The following DNAH10 variants were observed in gnomAD, a reference collection of about 807,000 sequenced individuals.
DNAH10 encodes the protein axonemal beta dynein heavy chain 10.
A neutral mutation model predicts 506.6 loss-of-function variants in DNAH10; 348 were observed. The ratio of observed to expected loss-of-function variants is 0.69; its 90% CI spans 0.63 to 0.75. DNAH10 has a LOEUF of 0.75. Ranked by LOEUF, DNAH10 falls within the 30% of genes least tolerant of loss-of-function variation. DNAH10 has a pLI of 0.00. For synonymous variants in DNAH10, 2,059 were observed against 2,198.6 expected, an observed-to-expected ratio of 0.94 and a Z score of 1.78; for missense variants, 5,179 against 5,787.1, an observed-to-expected ratio of 0.89 and a Z score of 3.41.
chr12:123,931,308 C>T, intron 73 of DNAH10, 33 bp from the exon 74 acceptor site: 1 of 1,610,020 alleles, frequency 6.2e-7, no homozygotes. Flanking sequence ...GGTGGCTGGA[C>T]AGTGCCACCT....
intron 54 of DNAH10, among the ~76,000 whole-genome samples, chr12:123,896,709 C>T (rs1594316058): frequency 1.4e-5 from 2 of 143,562 alleles, no homozygotes; most frequent in African/African-American, 2.7e-5. Flanking sequence ...AGAGTGAGAC[C>T]CTGTCTCAAG....
chr12:123,866,404 C>T lies in DNAH10; in HGVS notation c.7167+331C>T, dbSNP rs973031730. 8.6e-5 allele frequency among the ~76,000 whole-genome samples: 13 copies of T among 151,714 alleles called. No individual in the cohort carries two copies. The East Asian group carries it at 1.2e-3, about 14-fold the overall frequency. ...GACTACAGGCGCCCGCCACCACGACCGGCTAATTTTTTGTATTTTTAGTAG... is the reference window on the plus strand; with the variant it reads ...GACTACAGGCGCCCGCCACCACGACTGGCTAATTTTTTGTATTTTTAGTAG... On this transcript the variant is annotated intron_variant, in intron 41 of 78. Transcript: ENST00000673944.
At chr12:123,796,871 G>A (rs778201061) in intron 13 of DNAH10, 39 bp downstream of exon 13, 64 of 1,421,056 alleles carry the variant, frequency 4.5e-5, no homozygotes, top group Admixed American at 4.0e-4. Flanking sequence ...TTTTGTATTT[G>A]ATTTTTTTTT....
intron 36 of DNAH10, among the ~76,000 whole-genome samples, chr12:123,856,532 T>G (rs1453840215): frequency 6.6e-6 from 1 of 150,732 alleles, no homozygotes; most frequent in African/African-American, 2.4e-5. Flanking sequence ...AGATGTGATT[T>G]CACCATGTCG....
chr12:123,764,952 T>C (rs1444407782), intron 1 of DNAH10, among the ~76,000 whole-genome samples: 1 of 152,120 alleles, frequency 6.6e-6, no homozygotes, highest in Non-Finnish European at 1.5e-5. Flanking sequence ...TCACTCACTC[T>C]CTGCTTGTTA....
Position 123,780,899 on chromosome 12 carries a change from A to G in DNAH10, c.622-181A>G, listed in dbSNP as rs1217619107. On this transcript the variant is annotated intron_variant, in intron 5 of 78. Transcript: ENST00000673944. ...GTGAGGTGGAGGTTGCAGTGAGCCA[A>G]GTGCACAGCACTCCAGCCTGGTGAC... Among the ~76,000 whole-genome samples, 3 of 136,746 alleles carry G rather than the reference A, an allele frequency of 2.2e-5. No individual in the cohort carries two copies. In the East Asian group the frequency reaches 7.1e-4, roughly 32 times the overall value. 89.7% of individuals were successfully genotyped at this position (136,746 alleles called of 152,430 possible). A position where few individuals can be genotyped will look rare whatever the true frequency, so the allele number is the denominator to read the frequency against.
In DNAH10 at chr12:123,853,047, C is replaced by G. The variant is rs112478040; in HGVS notation, c.6292-159C>G. Among the ~76,000 whole-genome samples, 154 of 152,258 alleles carry G rather than the reference C, an allele frequency of 1.0e-3. 1 individual carries two copies. The highest frequency in any genetic ancestry group is 3.5e-3 in the African/African-American group (147 of 41,540). On this transcript the variant is annotated intron_variant, in intron 35 of 78. Coordinates refer to ENST00000673944, the MANE Select transcript of DNAH10 (RefSeq NM_001372106.1). The surrounding 1 kb of genome is among the most constrained non-coding windows in gnomAD (Gnocchi z 4.7). ...CATATTTAAAAATGAAGGACCCACCCTGGTATTTCTGGAAGTTAGAGATGG... is the reference window on the plus strand; with the variant it reads ...CATATTTAAAAATGAAGGACCCACCGTGGTATTTCTGGAAGTTAGAGATGG...
intron 5 of DNAH10, 25 bp from the exon 6 acceptor site, chr12:123,781,055 G>A (rs549811864): frequency 1.3e-6 from 2 of 1,562,646 alleles, no homozygotes; most frequent in African/African-American, 1.4e-5. Context: ...TTCATATGAT[G>A]TATTTCATAA....
Position 123,928,260 on chromosome 12 carries a change from C to A in DNAH10, c.12106-127C>A, listed in dbSNP as rs1955033220. 9.5e-7 allele frequency: 1 copy of A among 1,055,826 alleles called. No individual in the cohort carries two copies. Among genetic ancestry groups the A allele is most frequent in the Non-Finnish European group, 1.3e-6 (1 of 742,046 alleles). The allele number at this position is 1,055,826 out of a possible 1,614,324, so 65.4% of individuals were successfully genotyped here. A position where few individuals can be genotyped will look rare whatever the true frequency, so the allele number is the denominator to read the frequency against. ...AAGGCTCCACCTGTAGCTCCTGGATCCTCGGCTTGCTTTTGGCTTCTGCTG... is the reference window on the plus strand; with the variant it reads ...AAGGCTCCACCTGTAGCTCCTGGATACTCGGCTTGCTTTTGGCTTCTGCTG... On this transcript the variant is annotated intron_variant, in intron 69 of 78. Transcript: ENST00000673944. The surrounding 1 kb of genome is among the most constrained non-coding windows in gnomAD (Gnocchi z 4.9).
Position 123,819,177 on chromosome 12 carries a change from A to T in DNAH10, c.3927A>T (p.Arg1309Ser). ...ELTRGEIMNYRVQIEEFAKRF... is the reference protein window; with the variant it reads ...ELTRGEIMNYSVQIEEFAKRF... ...CTCGAGGCGAAATAATGAACTACAG[A>T]GTTCAGATAGAGGAGTTTGCAAAGC... The change falls in exon 23 of 79, where the codon AGA (arginine) becomes AGT (serine). Residue 1309 changes from arginine to serine, a missense_variant. This residue lies in a region of DNAH10 where 4,844 missense variants were observed against 5,430.5 expected (regional missense o/e 0.89). Coordinates refer to ENST00000673944, the MANE Select transcript of DNAH10 (RefSeq NM_001372106.1). The T allele has an allele frequency of 6.2e-7, 1 of 1,613,628 alleles. No individual in the cohort carries two copies.
At chr12:123,890,237 T>A (rs2137151124) in intron 52 of DNAH10, among the ~76,000 whole-genome samples, 1 of 152,282 alleles carries the variant, frequency 6.6e-6, no homozygotes, top group Admixed American at 6.5e-5. Flanking sequence ...AATGACGTAG[T>A]CCAGATTTAT....
intron 36 of DNAH10, among the ~76,000 whole-genome samples, chr12:123,855,182 A>G (rs1045990990): frequency 2.6e-5 from 4 of 152,156 alleles, no homozygotes; most frequent in Non-Finnish European, 5.9e-5. Context: ...TCCACTCCAC[A>G]TCCTGGAGGT....
chr12:123,814,675 CAT>C (rs1959077333), intron 21 of DNAH10, among the ~76,000 whole-genome samples: 1 of 141,740 alleles, frequency 7.1e-6, no homozygotes, highest in Non-Finnish European at 1.5e-5. Context: ...AGTGCAGTGG[CAT>C]GATCTCGGCT....
At chr12:123,803,871 A>G (rs771094059) in intron 17 of DNAH10, 46 bp downstream of exon 17, 3 of 1,546,736 alleles carry the variant, frequency 1.9e-6, no homozygotes, top group South Asian at 1.2e-5. Context: ...TAATGAGAAC[A>G]TATATTGTAT....
intron 1 of DNAH10, among the ~76,000 whole-genome samples, chr12:123,766,330 C>T (rs147896581): frequency 6.9e-4 from 100 of 145,746 alleles, no homozygotes; most frequent in Non-Finnish European, 1.3e-3. Flanking sequence ...TCATCTATAT[C>T]TGTCTATCCT....
rs545648858 is a variant in DNAH10, at chr12:123,876,604, G to A, written c.8199+1113G>A. Among the ~76,000 whole-genome samples, 16 of 152,198 alleles carry A rather than the reference G, an allele frequency of 1.1e-4. No individual in the cohort carries two copies. In the East Asian group the frequency reaches 3.1e-3, roughly 29 times the overall value. On this transcript the variant is annotated intron_variant, in intron 47 of 78. Transcript: ENST00000673944. Reference sequence around the variant, plus strand: ...GCCAAGATCATGCCACTGCACTCCAGCATGGGCAACAGAGTCTCAATCTAA... The same window carrying A: ...GCCAAGATCATGCCACTGCACTCCAACATGGGCAACAGAGTCTCAATCTAA...
At chr12:123,768,958 T>C (rs112776382) in intron 2 of DNAH10, among the ~76,000 whole-genome samples, 9,001 of 152,088 alleles carry the variant, frequency 0.059, 771 homozygotes, top group African/African-American at 0.18. Flanking sequence ...AGGCTGGTCT[T>C]GAAGTCCTGG....
chr12:123,929,377 C>T lies in DNAH10; in HGVS notation c.12409C>T (p.Pro4137Ser), dbSNP rs1346672553. The T allele has an allele frequency of 6.2e-7, 1 of 1,612,662 alleles. No homozygotes were observed. Among genetic ancestry groups the T allele is most frequent in the Non-Finnish European group, 8.5e-7 (1 of 1,179,354 alleles). The change falls in exon 71 of 79, where the codon CCG becomes TCG. Residue 4137 changes from proline to serine, a missense_variant. Pro to Ser is a moderately conservative substitution (Grantham distance 74, BLOSUM62 -1). This residue lies in a region of DNAH10 where 4,844 missense variants were observed against 5,430.5 expected (regional missense o/e 0.89). Transcript: ENST00000673944. ...LDQCPHPAFKPLVYVLAFFHA... is the reference protein window; with the variant it reads ...LDQCPHPAFKSLVYVLAFFHA... Reference sequence around the variant, plus strand: ...CCAGTGCCCGCACCCTGCCTTCAAGCCGCTGGTCTACGTGCTGGCGTTCTT... The same window carrying T: ...CCAGTGCCCGCACCCTGCCTTCAAGTCGCTGGTCTACGTGCTGGCGTTCTT...
At chr12:123,851,998 T>G (rs1194517879) in intron 35 of DNAH10, among the ~76,000 whole-genome samples, 2 of 152,172 alleles carry the variant, frequency 1.3e-5, no homozygotes, top group African/African-American at 4.8e-5. Flanking sequence ...CTCGAACTTC[T>G]GGGCTCCAGT....
Sources: gnomAD v4.1 joint callset for allele counts (sites outside exome capture counted in the v4.1 genomes callset) on GRCh38, gnomAD v4.1.1 for gene constraint, gnomAD v4.1.1 regional missense constraint, Gnocchi (gnomAD v3.1) non-coding constraint, MANE v1.5 for transcripts, NCBI Gene and HGNC (gene_info 2026-07-23, HGNC 2026-07-21) for gene names.